The following PDE7B variants were observed in gnomAD, a reference collection of about 807,000 sequenced individuals.
The protein encoded by PDE7B is phosphodiesterase 7B.
A neutral mutation model predicts 56.2 loss-of-function variants in PDE7B; 29 were observed. That is an observed-to-expected ratio of 0.52 (90% CI 0.38 to 0.70). PDE7B has a LOEUF of 0.70. Among genes scored for constraint, PDE7B ranks in the 30% least tolerant of loss-of-function variants. PDE7B has a pLI of 0.00. For missense variants in PDE7B, 490 were observed against 565.0 expected, an observed-to-expected ratio of 0.87 and a Z score of 1.35; for synonymous variants, 197 against 196.9, an observed-to-expected ratio of 1.00 and a Z score of 0.00.
chr6:136,076,472 C>CA (rs1562487110), intron 2 of PDE7B, among the ~76,000 whole-genome samples: 1 of 151,674 alleles, frequency 6.6e-6, no homozygotes, highest in Non-Finnish European at 1.5e-5. Flanking sequence ...AACTCTGTCT[C>CA]AAAAAAATAA....
At chr6:136,109,706 T>C (rs62431262) in intron 3 of PDE7B, among the ~76,000 whole-genome samples, 194 of 152,288 alleles carry the variant, frequency 1.3e-3, no homozygotes, top group Non-Finnish European at 2.3e-3. Flanking sequence ...TGGTCCACAA[T>C]TTTCTTAATC....
chr6:136,076,812 C>T (rs987471679), intron 2 of PDE7B, among the ~76,000 whole-genome samples: 3 of 152,022 alleles, frequency 2.0e-5, no homozygotes, highest in Non-Finnish European at 4.4e-5. Flanking sequence ...AGGAATGATG[C>T]ACTATTCTAA....
intron 8 of PDE7B, among the ~76,000 whole-genome samples, chr6:136,167,266 ATGTTTAT>A (rs1302993785): frequency 6.6e-6 from 1 of 151,908 alleles, no homozygotes; most frequent in African/African-American, 2.4e-5. Flanking sequence ...AGTATTTATT[ATGTTTAT>A]TGTTTATTGC....
chr6:135,862,470 C>A (rs536460007), intron 1 of PDE7B, among the ~76,000 whole-genome samples: 14 of 151,892 alleles, frequency 9.2e-5, no homozygotes, highest in African/African-American at 3.4e-4. Context: ...TTGATGAAAA[C>A]CATTAACCTA....
At chr6:136,151,326 A>G (rs540401158) in intron 6 of PDE7B, 71 bp downstream of exon 6, 7 of 792,934 alleles carry the variant, frequency 8.8e-6, no homozygotes, top group African/African-American at 5.1e-5. Flanking sequence ...TCTTTAATAT[A>G]AAGTGGTAAG....
At chr6:136,115,185 T>G (rs1459943233) in intron 3 of PDE7B, among the ~76,000 whole-genome samples, 1 of 152,156 alleles carries the variant, frequency 6.6e-6, no homozygotes, top group African/African-American at 2.4e-5. Context: ...TGTGGTGTGA[T>G]ACACCAAATA....
chr6:135,929,851 G>C (rs1012814058), intron 1 of PDE7B, among the ~76,000 whole-genome samples: 2 of 152,146 alleles, frequency 1.3e-5, no homozygotes, highest in Admixed American at 1.3e-4. Flanking sequence ...GGGCAGATAA[G>C]GGGAAGCTCC....
intron 1 of PDE7B, among the ~76,000 whole-genome samples, chr6:135,894,347 A>T (rs1775860485): frequency 6.6e-6 from 1 of 152,186 alleles, no homozygotes. Flanking sequence ...TATATTTAAA[A>T]ACCTACGTGA....
At chr6:136,091,245 A>G (rs1429569084) in intron 2 of PDE7B, among the ~76,000 whole-genome samples, 1 of 152,236 alleles carries the variant, frequency 6.6e-6, no homozygotes, top group Admixed American at 6.5e-5. Context: ...ATTGAAAACA[A>G]CTGATCACAG....
intron 3 of PDE7B, among the ~76,000 whole-genome samples, chr6:136,131,748 A>G (rs1432630908): frequency 1.3e-5 from 2 of 152,162 alleles, no homozygotes; most frequent in Non-Finnish European, 2.9e-5. Flanking sequence ...ATTCCTTAAT[A>G]CTTCATTTGT....
At chr6:135,896,682 CA>C (rs1450640259) in intron 1 of PDE7B, among the ~76,000 whole-genome samples, 5 of 152,076 alleles carry the variant, frequency 3.3e-5, no homozygotes, top group African/African-American at 4.8e-5. Flanking sequence ...TTAGCCTAAG[CA>C]TGCAAAAAAT....
rs147202996 is a variant in PDE7B at position 136,139,305 on chromosome 6, C to A, written c.167-8046C>A. Among the ~76,000 whole-genome samples the A allele has an allele frequency of 4.7e-3, 709 of 152,180 alleles. 4 individuals carry two copies. The highest frequency in any genetic ancestry group is 0.016 in the African/African-American group (684 of 41,534). ...CCCTACAAAGGACATGAACTCATCA[C>A]TTTTTATGGCTGCATAGTATTCCGT... On this transcript the variant is annotated intron_variant, in intron 3 of 12. Coordinates refer to ENST00000308191, the MANE Select transcript of PDE7B (RefSeq NM_018945.4).
intron 1 of PDE7B, among the ~76,000 whole-genome samples, chr6:135,878,142 T>C (rs1775535825): frequency 6.6e-6 from 1 of 152,230 alleles, no homozygotes; most frequent in African/African-American, 2.4e-5. Context: ...CGCAATATCC[T>C]GTTAGTTGCC....
At chr6:136,122,652 C>T (rs1371893128) in intron 3 of PDE7B, among the ~76,000 whole-genome samples, 1 of 152,156 alleles carries the variant, frequency 6.6e-6, no homozygotes, top group Non-Finnish European at 1.5e-5. Context: ...CTAAAATTAG[C>T]TGGTATCTAT....
At chr6:135,961,796 A>G (rs751976772) in intron 2 of PDE7B, among the ~76,000 whole-genome samples, 3 of 152,174 alleles carry the variant, frequency 2.0e-5, no homozygotes, top group Non-Finnish European at 4.4e-5. Context: ...TCTCAACAAA[A>G]TATACAACTA....
chr6:136,150,254 G>A (rs771904565), intron 5 of PDE7B, among the ~76,000 whole-genome samples: 14 of 152,214 alleles, frequency 9.2e-5, no homozygotes, highest in East Asian at 3.9e-4. Context: ...ATAAGTAGCC[G>A]CAAAATCGAC....
In PDE7B at chr6:136,191,615, T is replaced by A. The variant is rs751094163; in HGVS notation, c.1128T>A (p.Gly376=). 2 of 1,613,406 alleles carry A rather than the reference T, an allele frequency of 1.2e-6. No individual in the cohort carries two copies. Among genetic ancestry groups the A allele is most frequent in the South Asian group, 2.2e-5 (2 of 91,002 alleles). Residue 376 remains glycine, a splice_region_variant and synonymous_variant, in exon 13 of 13, where the codon GGT becomes GGA. Coordinates refer to ENST00000308191, the MANE Select transcript of PDE7B (RefSeq NM_018945.4). ...QKDSIPSIQI[G]FMSYIVEPLF... is the part of the protein sequence containing the mutation. ...TGAGCCTTGACTTGCCTGTTCTAGG[T>A]TTCATGAGCTACATCGTGGAGCCGC...
intron 9 of PDE7B, among the ~76,000 whole-genome samples, chr6:136,175,538 T>G (rs1778963608): frequency 6.6e-6 from 1 of 152,180 alleles, no homozygotes; most frequent in Non-Finnish European, 1.5e-5. Flanking sequence ...CTAGTTTATT[T>G]TCTTTTAGTC....
At chr6:136,080,908 T>A (rs1777196392) in intron 2 of PDE7B, among the ~76,000 whole-genome samples, 1 of 152,112 alleles carries the variant, frequency 6.6e-6, no homozygotes, top group Non-Finnish European at 1.5e-5. Context: ...GCGAGGGGAA[T>A]GTGGTCTGGG....
Sources: allele counts gnomAD v4.1 joint callset (sites outside exome capture counted in the v4.1 genomes callset), GRCh38; gene constraint gnomAD v4.1.1; transcripts MANE v1.5; gene names NCBI Gene and HGNC (gene_info 2026-07-23, HGNC 2026-07-21).